Variants in HLA-F observed in about 807,000 individuals in gnomAD.
HLA-F encodes HLA class I histocompatibility antigen, alpha chain F.
HLA-F carries 46 observed loss-of-function variants against 49.5 expected under a neutral mutation model. The observed-to-expected ratio is 0.93, with a 90% CI of 0.73 to 1.19. The LOEUF (loss-of-function observed/expected upper bound fraction) is 1.19, where lower values mean the gene tolerates loss of function less well. Ranked by LOEUF, HLA-F falls within the 50% of genes most tolerant of loss-of-function variation. The pLI is 0.00. For synonymous variants in HLA-F, 203 were observed against 233.5 expected, an observed-to-expected ratio of 0.87 and a Z score of 1.19; for missense variants, 496 against 579.6, an observed-to-expected ratio of 0.86 and a Z score of 1.48.
chr6:29,724,836 C>T (rs941247123), intron 3 of HLA-F, among the ~76,000 whole-genome samples, 195 bp from the exon 4 acceptor site: 1 of 152,170 alleles, frequency 6.6e-6, no homozygotes, highest in Non-Finnish European at 1.5e-5. Flanking sequence ...CCAGAAGTCC[C>T]TGCTCCCCCC....
chr6:29,727,954 C>T, downstream of HLA-F: 1 of 518,814 alleles, frequency 1.9e-6, no homozygotes, highest in Non-Finnish European at 3.8e-6. Context: ...TTTCCCTCTA[C>T]AGGCCCAGCT....
At chr6:29,736,044 A>G (rs1392583395) in intron 3 of HLA-F, 1 of 153,098 alleles carries the variant, frequency 6.5e-6, no homozygotes, top group Non-Finnish European at 1.5e-5. Flanking sequence ...GATGTTCTCT[A>G]TTTGGGGAAA....
downstream of HLA-F, chr6:29,728,368 C>T: frequency 3.2e-6 from 1 of 314,324 alleles, no homozygotes; most frequent in South Asian, 2.7e-5. Flanking sequence ...AACCCACCTT[C>T]CCATGAGACT....
At chr6:29,725,009 T>A (rs1458249342) in intron 3 of HLA-F, 22 bp from the exon 4 acceptor site, 4 of 1,608,726 alleles carry the variant, frequency 2.5e-6, no homozygotes, top group African/African-American at 1.3e-5. Context: ...GCAAAGTGCC[T>A]GAATTTTCTG....
chr6:29,727,199 A>G lies in HLA-F; in HGVS notation c.*24A>G, dbSNP rs1269322543. The G allele has an allele frequency of 6.8e-7, 1 of 1,473,782 alleles. No individual in the cohort carries two copies. Among genetic ancestry groups the G allele is most frequent in the South Asian group, 1.3e-5 (1 of 77,346 alleles). The allele number at this position is 1,473,782 out of a possible 1,614,324, so 91.3% of individuals were successfully genotyped here. On this transcript the variant is annotated 3_prime_UTR_variant, in exon 7 of 7. Transcript: ENST00000259951. ...GAGTCATTCTAAAGTAAGTTGCAAG[A>G]CCCATGATACTAGACCACTAAATAC...
chr6:29,726,113 C>T, intron 6 of HLA-F, 70 bp downstream of exon 6: 1 of 1,441,954 alleles, frequency 6.9e-7, no homozygotes, highest in Non-Finnish European at 9.8e-7. Flanking sequence ...GGGAGCTCAC[C>T]CACCCCACAG....
At chr6:29,728,023 A>G, downstream of HLA-F, 1 of 519,008 alleles carries the variant, frequency 1.9e-6, no homozygotes, top group South Asian at 1.4e-5. Context: ...TTCCCACCAG[A>G]GGACATTAGC....
intron 5 of HLA-F, 108 bp downstream of exon 5, chr6:29,725,671 C>A: frequency 1.1e-6 from 1 of 940,074 alleles, no homozygotes; most frequent in Non-Finnish European, 1.7e-6. Flanking sequence ...CATCCACACT[C>A]ATGGGTCTAC....
At chr6:29,733,858 A>G (rs1776830471) in intron 3 of HLA-F, among the ~76,000 whole-genome samples, 1 of 151,190 alleles carries the variant, frequency 6.6e-6, no homozygotes, top group South Asian at 2.1e-4. Context: ...TCATTTATAG[A>G]CATAAAAATA....
Position 29,724,407 on chromosome 6 carries a change from G to A in HLA-F, c.569G>A (p.Arg190His). ...YLEGECLELLRRYLENGKETL... is the reference protein window; with the variant it reads ...YLEGECLELLHRYLENGKETL... The stretch of plus-strand genomic sequence containing the variant: ...GAGGGCGAGTGCCTGGAGTTGCTCC[G>A]CAGATACTTGGAGAATGGGAAGGAG... The change falls in exon 3 of 7, where the codon CGC (arginine) becomes CAC (histidine). Residue 190 changes from arginine to histidine, a missense_variant. Arg to His is a conservative substitution (Grantham distance 29). Coordinates refer to ENST00000259951, the MANE Select transcript of HLA-F (RefSeq NM_001098479.2). 1.2e-6 allele frequency: 2 copies of A among 1,613,302 alleles called. No individual in the cohort carries two copies. The highest frequency in any genetic ancestry group is 8.5e-7 in the Non-Finnish European group (1 of 1,180,036).
At chr6:29,726,353 A>G (rs1301483101) in intron 6 of HLA-F, 4 of 1,595,834 alleles carry the variant, frequency 2.5e-6, no homozygotes, top group Non-Finnish European at 3.4e-6. Context: ...TTAGAGTGTT[A>G]CCTCTCACTG....
intron 6 of HLA-F, 125 bp from the exon 7 acceptor site, chr6:29,726,758 T>C (rs1474146191): frequency 8.1e-7 from 1 of 1,232,132 alleles, no homozygotes. Context: ...TCAGACTGAA[T>C]CAGAGTGTTG....
intron 3 of HLA-F, among the ~76,000 whole-genome samples, chr6:29,733,355 A>ATT (rs1251158667): frequency 2.3e-5 from 3 of 128,734 alleles, no homozygotes; most frequent in Non-Finnish European, 5.4e-5. Flanking sequence ...TCTTCTGTGT[A>ATT]TTTTATTTTT....
chr6:29,726,875 C>A lies in HLA-F; in HGVS notation c.1037-8C>A, dbSNP rs1350494584. 4.4e-6 allele frequency: 7 copies of A among 1,601,354 alleles called. No homozygotes were observed. The highest frequency in any genetic ancestry group is 5.9e-6 in the Non-Finnish European group (7 of 1,179,614). The stretch of plus-strand genomic sequence containing the variant: ...CAAGTAGGCTGTTGTTTTCTATCTT[C>A]TTCACAGCCTACTCAGTGGTCAGCG... On this transcript the variant is annotated splice_region_variant and splice_polypyrimidine_tract_variant and intron_variant, in intron 6 of 6. Transcript: ENST00000259951.
chr6:29,730,191 C>T (rs1017588772), downstream of HLA-F, among the ~76,000 whole-genome samples: 7 of 152,146 alleles, frequency 4.6e-5, no homozygotes, highest in African/African-American at 1.2e-4. Context: ...ATTAGATAAA[C>T]GACCCATGGT....
At chr6:29,726,322 C>T in intron 6 of HLA-F, 1 of 1,454,432 alleles carries the variant, frequency 6.9e-7, no homozygotes. Flanking sequence ...ACTTGGATGT[C>T]TTGAGCATGA....
chr6:29,727,891 T>C (rs1034589539), downstream of HLA-F: 4 of 502,192 alleles, frequency 8.0e-6, no homozygotes, highest in Non-Finnish European at 1.6e-5. Flanking sequence ...AGACCTAGAC[T>C]CCCTTCCTGT....
At chr6:29,734,039 C>G (rs1776847191) in intron 3 of HLA-F, among the ~76,000 whole-genome samples, 1 of 152,168 alleles carries the variant, frequency 6.6e-6, no homozygotes. Flanking sequence ...CCTGCAGGCC[C>G]CCTGGGCATG....
At position 29,725,110 on chromosome 6, in the gene HLA-F, C is replaced by A; in HGVS notation, c.690C>A (p.Tyr230Ter). 6.2e-7 allele frequency: 1 copy of A among 1,614,088 alleles called. No homozygotes were observed. The highest frequency in any genetic ancestry group is 1.1e-5 in the South Asian group (1 of 91,078). Residue 230 changes from tyrosine (Y) to a stop codon, truncating the protein, a stop_gained, in exon 4 of 7, where the codon TAC becomes TAA. Coordinates refer to ENST00000259951, the MANE Select transcript of HLA-F (RefSeq NM_001098479.2). LOFTEE classifies it high-confidence loss of function. Reference sequence around the variant, plus strand: ...TGAGGTGCTGGGCCCTGGGCTTCTACCCTGCGGAGATCACGCTGACCTGGC... The same window carrying A: ...TGAGGTGCTGGGCCCTGGGCTTCTAACCTGCGGAGATCACGCTGACCTGGC... ...ATLRCWALGF[Y>*]PAEITLTWQR...
Sources: gnomAD v4.1 joint callset for allele counts (sites outside exome capture counted in the v4.1 genomes callset) on GRCh38, gnomAD v4.1.1 for gene constraint, MANE v1.5 for transcripts, NCBI Gene and HGNC (gene_info 2026-07-23, HGNC 2026-07-21) for gene names.